XPNPEP1: variants seen among roughly 807,000 people sequenced by gnomAD.
XPNPEP1 encodes the protein xaa-Pro aminopeptidase 1.
A neutral mutation model predicts 92.4 loss-of-function variants in XPNPEP1; 39 were observed. That is an observed-to-expected ratio of 0.42 (90% confidence interval 0.33 to 0.55). The LOEUF (loss-of-function observed/expected upper bound fraction) is 0.55, where lower values mean the gene tolerates loss of function less well. Among genes scored for constraint, XPNPEP1 ranks in the 20% least tolerant of loss-of-function variants. The pLI, the probability that XPNPEP1 is intolerant of heterozygous loss-of-function variation, is 0.08. For synonymous variants in XPNPEP1, 307 were observed against 299.4 expected, an observed-to-expected ratio of 1.03 and a Z score of -0.26; for missense variants, 654 against 856.1, an observed-to-expected ratio of 0.76 and a Z score of 2.95.
chr10:109,921,080 G>A (rs984047701), intron 1 of XPNPEP1, among the ~76,000 whole-genome samples: 2 of 152,142 alleles, frequency 1.3e-5, no homozygotes, highest in African/African-American at 2.4e-5. Context: ...CTTGGTCTCC[G>A]CAGAGTCCAA....
intron 1 of XPNPEP1, among the ~76,000 whole-genome samples, chr10:109,915,438 C>T (rs2133565544): frequency 6.6e-6 from 1 of 152,172 alleles, no homozygotes; most frequent in South Asian, 2.1e-4. Context: ...TTATGGTGTC[C>T]TATTCTTGCA....
In XPNPEP1 at chr10:109,888,204, C is replaced by T. The variant is rs747351471; in HGVS notation, c.509-12G>A. On this transcript the variant is annotated splice_polypyrimidine_tract_variant and intron_variant, in intron 6 of 20. Coordinates refer to ENST00000502935, the MANE Select transcript of XPNPEP1 (RefSeq NM_020383.4). ...TTTCTTCCAATAATCTGAGGAGACA[C>T]ATTGTGGCCCAGCCATGAGCCGAAC... 2 of 1,607,854 alleles carry T rather than the reference C, an allele frequency of 1.2e-6. No homozygotes were observed. The highest frequency in any genetic ancestry group is 1.7e-6 in the Non-Finnish European group (2 of 1,179,560).
At chr10:109,889,892 T>C (rs904462627) in intron 5 of XPNPEP1, among the ~76,000 whole-genome samples, 4 of 152,218 alleles carry the variant, frequency 2.6e-5, no homozygotes, top group Non-Finnish European at 5.9e-5. Flanking sequence ...GAAGCTGACA[T>C]TGAGTTTCAT....
At position 109,888,283 on chromosome 10, in the gene XPNPEP1, A is replaced by G. The variant is rs77647969; in HGVS notation, c.509-91T>C. ...CCTTGAAAGTCCAGAACCTTCAGAA[A>G]GGTGGTCCTGCCATGGCCCAGAGCT... is the stretch of plus-strand genomic sequence containing the variant. On this transcript the variant is annotated intron_variant, in intron 6 of 20. Coordinates refer to ENST00000502935, the MANE Select transcript of XPNPEP1 (RefSeq NM_020383.4). The G allele has an allele frequency of 7.6e-4, 1,146 of 1,512,186 alleles. 12 individuals carry two copies. In the African/African-American group the frequency reaches 0.014, roughly 19 times the overall value. The allele number at this position is 1,512,186 out of a possible 1,614,324, so 93.7% of individuals were successfully genotyped here. A position where few individuals can be genotyped will look rare whatever the true frequency, so the allele number is the denominator to read the frequency against.
chr10:109,915,181 A>G, intron 1 of XPNPEP1, 82 bp from the exon 2 acceptor site: 1 of 722,290 alleles, frequency 1.4e-6, no homozygotes, highest in Non-Finnish European at 2.1e-6. Flanking sequence ...GCATCGCTTA[A>G]CTTAGCAGTT....
At chr10:109,921,181 A>C (rs1039868250) in intron 1 of XPNPEP1, among the ~76,000 whole-genome samples, 3 of 152,220 alleles carry the variant, frequency 2.0e-5, no homozygotes, top group African/African-American at 7.2e-5. Flanking sequence ...AACTAGAAGA[A>C]TATACCTCAG....
At chr10:109,895,434 G>A (rs557371205) in intron 3 of XPNPEP1, among the ~76,000 whole-genome samples, 2 of 152,370 alleles carry the variant, frequency 1.3e-5, no homozygotes, top group African/African-American at 4.8e-5. Context: ...TCCAAAGGGA[G>A]GTGGAATTAA....
At chr10:109,902,634 T>A (rs1316037329) in intron 3 of XPNPEP1, among the ~76,000 whole-genome samples, 1 of 152,112 alleles carries the variant, frequency 6.6e-6, no homozygotes, top group Admixed American at 6.5e-5. Flanking sequence ...GTTAAGATTA[T>A]AAAAGAAAGA....
At chr10:109,896,058 T>C (rs555175762) in intron 3 of XPNPEP1, among the ~76,000 whole-genome samples, 2 of 152,218 alleles carry the variant, frequency 1.3e-5, no homozygotes, top group Non-Finnish European at 2.9e-5. Flanking sequence ...GCTCTTTGCA[T>C]ATCCTGAGCT....
At chr10:109,900,853 C>T (rs111668505) in intron 3 of XPNPEP1, among the ~76,000 whole-genome samples, 30 of 152,312 alleles carry the variant, frequency 2.0e-4, no homozygotes, top group African/African-American at 6.7e-4. Context: ...CTTCTTCAAG[C>T]TTATTGTCAT....
intron 3 of XPNPEP1, among the ~76,000 whole-genome samples, chr10:109,906,398 G>GA (rs928597264): frequency 1.3e-5 from 2 of 152,158 alleles, no homozygotes; most frequent in African/African-American, 4.8e-5. Flanking sequence ...CCAGTTGGCT[G>GA]AAAAAGAGAA....
intron 1 of XPNPEP1, among the ~76,000 whole-genome samples, chr10:109,917,497 G>A (rs895665133): frequency 6.6e-6 from 1 of 152,152 alleles, no homozygotes; most frequent in Non-Finnish European, 1.5e-5. Context: ...ATAAACAAAA[G>A]CTATTCCATG....
In XPNPEP1 at chr10:109,865,208, C is replaced by A. The variant is rs778389411; in HGVS notation, c.1977G>T (p.Thr659=). The change falls in exon 21 of 21, where the codon ACG becomes ACT. Residue 659 remains threonine, a synonymous_variant. Coordinates refer to ENST00000502935, the MANE Select transcript of XPNPEP1 (RefSeq NM_020383.4). ...ATTAATGCTGTTTGGAGATGGGTTG[C>A]GTCTCTCTGATGAGCCACTCGAGAG... is the stretch of plus-strand genomic sequence containing the variant. ...QEALEWLIRE[T]QPISKQH 1.2e-6 allele frequency: 2 copies of A among 1,614,078 alleles called. No homozygotes were observed. Among genetic ancestry groups the A allele is most frequent in the South Asian group, 2.2e-5 (2 of 91,072 alleles).
At chr10:109,920,470 C>A (rs74321249) in intron 1 of XPNPEP1, among the ~76,000 whole-genome samples, 21 of 152,168 alleles carry the variant, frequency 1.4e-4, no homozygotes, top group African/African-American at 4.8e-5. Flanking sequence ...TTACTTCATA[C>A]GTAAGTTTCT....
rs571129564 is a variant in XPNPEP1 at position 109,869,965 on chromosome 10, A to G, written c.1761T>C (p.Pro587=). 2.5e-6 allele frequency: 4 copies of G among 1,614,186 alleles called. No homozygotes were observed. The East Asian group carries it at 8.9e-5, about 36-fold the overall frequency. Residue 587 remains proline (P), a synonymous_variant, in exon 19 of 21, where the codon CCT becomes CCC. Coordinates refer to ENST00000502935, the MANE Select transcript of XPNPEP1 (RefSeq NM_020383.4). ...AATAAATCCTCACCTTGGTCTTCAC[A>G]GGAACCACAAGGACAACATTCTCAA... ...IRIENVVLVV[P]VKTKYNFNNR...
rs755554999 is a variant in XPNPEP1, at chr10:109,882,634, A to G, written c.839T>C (p.Ile280Thr). The G allele has an allele frequency of 6.2e-6, 10 of 1,614,024 alleles. No homozygotes were observed. The Admixed American group carries it at 1.5e-4, about 24-fold the overall frequency. ...GGGGGCGTCTATGCGGTCACCATCA[A>G]TGAAGAGCCTGCAGATGGAGGAGAG... The part of the protein sequence containing the change: ...IIGLETIMLF[I>T]DGDRIDAPSV... The change falls in exon 10 of 21, where the codon ATT becomes ACT. Residue 280 changes from isoleucine (I) to threonine (T), a missense_variant. Transcript: ENST00000502935.
At chr10:109,920,583 C>G (rs2052780516) in intron 1 of XPNPEP1, among the ~76,000 whole-genome samples, 1 of 152,176 alleles carries the variant, frequency 6.6e-6, no homozygotes, top group African/African-American at 2.4e-5. Flanking sequence ...GTCACTCAGG[C>G]TGGAGTGCAG....
chr10:109,912,541 GC>G (rs1849935313), intron 2 of XPNPEP1, among the ~76,000 whole-genome samples: 1 of 152,196 alleles, frequency 6.6e-6, no homozygotes, highest in Non-Finnish European at 1.5e-5. Flanking sequence ...CAAAGTTGGT[GC>G]AATTATATAA....
intron 1 of XPNPEP1, among the ~76,000 whole-genome samples, chr10:109,916,630 G>A (rs903895999): frequency 2.6e-5 from 4 of 152,172 alleles, no homozygotes; most frequent in African/African-American, 9.6e-5. Flanking sequence ...AGTTTTACTG[G>A]ACAGAATGGG....
Sources: allele counts gnomAD v4.1 joint callset (sites outside exome capture counted in the v4.1 genomes callset), GRCh38; gene constraint gnomAD v4.1.1; transcripts MANE v1.5; gene names NCBI Gene and HGNC (gene_info 2026-07-23, HGNC 2026-07-21).